FN1: variants seen among roughly 807,000 people sequenced by gnomAD.
FN1 encodes fibronectin 1.
FN1 carries 106 observed loss-of-function variants against 297.3 expected under a neutral mutation model. The ratio of observed to expected loss-of-function variants is 0.36; its 90% CI spans 0.30 to 0.42. The LOEUF (loss-of-function observed/expected upper bound fraction) is 0.42, where lower values mean the gene tolerates loss of function less well. FN1 is among the 10% of genes least tolerant of loss of function. FN1 has a pLI of 1.00. For missense variants in FN1, 2,690 were observed against 3,124.9 expected (o/e 0.86, Z 3.32); for synonymous variants, 1,149 against 1,152.6 (o/e 1.00, Z 0.06).
intron 35 of FN1, 120 bp downstream of exon 35, chr2:215,378,055 G>C: frequency 1.4e-6 from 1 of 738,378 alleles, no homozygotes; most frequent in South Asian, 1.4e-5. Context: ...TGACGCTCCC[G>C]CCTCAGCTTC....
chr2:215,367,798 CAT>C, intron 42 of FN1, 63 bp downstream of exon 42: 2 of 1,518,922 alleles, frequency 1.3e-6, no homozygotes, highest in South Asian at 2.3e-5. Context: ...TTCCTTGGCA[CAT>C]GAGTGCATGC....
Position 215,408,430 on chromosome 2 carries a change from T to A in FN1, c.2300-4A>T, listed in dbSNP as rs2062091420. The A allele has an allele frequency of 1.2e-6, 2 of 1,613,932 alleles. No individual in the cohort carries two copies. Among genetic ancestry groups the A allele is most frequent in the Non-Finnish European group, 1.7e-6 (2 of 1,179,980 alleles). On this transcript the variant is annotated splice_polypyrimidine_tract_variant and splice_region_variant and intron_variant, in intron 15 of 45. Coordinates refer to ENST00000354785, the MANE Select transcript of FN1 (RefSeq NM_212482.4). ...GAAGTGGCTGTGCTTGGAAGATCTT[T>A]GAAATGAAAAGAAAAGGTAACTAAT...
chr2:215,414,285 G>A (rs1281135390), intron 13 of FN1, among the ~76,000 whole-genome samples: 1 of 152,132 alleles, frequency 6.6e-6, no homozygotes, highest in African/African-American at 2.4e-5. Flanking sequence ...CAGGGCTATT[G>A]TTTAAATAAA....
intron 41 of FN1, among the ~76,000 whole-genome samples, chr2:215,370,038 C>G (rs1376961154): frequency 6.6e-6 from 1 of 152,150 alleles, no homozygotes; most frequent in Non-Finnish European, 1.5e-5. Flanking sequence ...TATTTGAAAT[C>G]CCTTCCAGAT....
intron 5 of FN1, among the ~76,000 whole-genome samples, chr2:215,429,808 A>C (rs911589779): frequency 6.6e-6 from 1 of 152,248 alleles, no homozygotes; most frequent in Admixed American, 6.5e-5. Context: ...ATTTTCTGGA[A>C]TAAATGACTT....
intron 21 of FN1, 96 bp from the exon 22 acceptor site, chr2:215,397,944 T>C: frequency 9.2e-7 from 1 of 1,085,392 alleles, no homozygotes; most frequent in South Asian, 1.3e-5. Flanking sequence ...TAGTGTAAAC[T>C]CTTCAGAAAC....
intron 33 of FN1, 91 bp downstream of exon 33, chr2:215,380,720 G>A (rs901879068): frequency 1.1e-5 from 15 of 1,408,930 alleles, no homozygotes; most frequent in South Asian, 6.9e-5. Context: ...ACCCTTACAC[G>A]GGAATCAATA....
In FN1 at chr2:215,370,307, G is replaced by A. The variant is rs770084828; in HGVS notation, c.6840C>T (p.Thr2280=). The A allele has an allele frequency of 9.7e-5, 156 of 1,613,830 alleles. No homozygotes were observed. The highest frequency in any genetic ancestry group is 1.3e-4 in the Non-Finnish European group (149 of 1,180,000). Residue 2280 remains threonine, a synonymous_variant, in exon 41 of 46, where the codon ACC becomes ACT. Coordinates refer to ENST00000354785, the MANE Select transcript of FN1 (RefSeq NM_212482.4). ...QRHKVREEVV[T]VGNSVNEGLN... ...GTGTTTACATACCAGAGTTGCCCAC[G>A]GTAACAACCTCTTCCCGAACCTTAT...
In FN1 at chr2:215,367,637, T is replaced by C. The variant is rs180706952; in HGVS notation, c.7018+226A>G. The C allele has an allele frequency of 1.2e-4, 69 of 566,664 alleles. No homozygotes were observed. In the East Asian group the frequency reaches 1.7e-3, roughly 14 times the overall value. 35.1% of individuals were successfully genotyped at this position (566,664 alleles called of 1,614,324 possible). On this transcript the variant is annotated intron_variant, in intron 42 of 45. Coordinates refer to ENST00000354785, the MANE Select transcript of FN1 (RefSeq NM_212482.4). The stretch of plus-strand genomic sequence containing the variant: ...GCACCATAATCTTATGTGTAATTAA[T>C]AGTTGTATTGGCATACAACCCTTGA...
chr2:215,394,095 A>AT (rs1559445734), intron 24 of FN1, among the ~76,000 whole-genome samples: 2 of 152,248 alleles, frequency 1.3e-5, no homozygotes. Flanking sequence ...CAGTGCTCAC[A>AT]TACAGGGACA....
chr2:215,427,714 G>C (rs183250141), intron 6 of FN1, among the ~76,000 whole-genome samples: 199 of 152,202 alleles, frequency 1.3e-3, no homozygotes, highest in African/African-American at 4.3e-3. Context: ...GTCGGGACAG[G>C]GAAGTATATT....
At chr2:215,376,058 G>A (rs1314188108) in intron 36 of FN1, among the ~76,000 whole-genome samples, 1 of 152,026 alleles carries the variant, frequency 6.6e-6, no homozygotes, top group Non-Finnish European at 1.5e-5. Flanking sequence ...GTTGAGCCTT[G>A]GAATCACAAT....
intron 23 of FN1, among the ~76,000 whole-genome samples, chr2:215,396,732 C>G (rs1316308319): frequency 6.6e-6 from 1 of 152,128 alleles, no homozygotes; most frequent in African/African-American, 2.4e-5. Flanking sequence ...CAACCCATGA[C>G]AAAACATTCA....
At position 215,422,085 on chromosome 2, in the gene FN1, G is replaced by A; in HGVS notation, c.1546+6C>T. On this transcript the variant is annotated splice_donor_region_variant and intron_variant, in intron 10 of 45. Coordinates refer to ENST00000354785, the MANE Select transcript of FN1 (RefSeq NM_212482.4). ...CTCAAATATTTTTGTTAATCAGCCA[G>A]CATACCTCGAAGCTGCGAGTAGGCA... The A allele has an allele frequency of 1.2e-6, 2 of 1,613,942 alleles. No homozygotes were observed. Among genetic ancestry groups the A allele is most frequent in the South Asian group, 1.1e-5 (1 of 91,086 alleles).
rs192981567 is a variant in FN1, at chr2:215,378,275, G to C, written c.5623-13C>G. The C allele has an allele frequency of 1.8e-4, 269 of 1,532,780 alleles. 2 individuals carry two copies. The Middle Eastern group carries it at 2.5e-3, about 14-fold the overall frequency. 94.9% of individuals were successfully genotyped at this position (1,532,780 alleles called of 1,614,324 possible). ...ATTTGGTGGCCACCTAGAGAAATAA[G>C]GGCATGGTGAGCTTTAGCAACGTCC... On this transcript the variant is annotated splice_polypyrimidine_tract_variant and intron_variant, in intron 34 of 45. Transcript: ENST00000354785.
At chr2:215,433,206 C>T in intron 3 of FN1, 118 bp downstream of exon 3, 1 of 1,303,868 alleles carries the variant, frequency 7.7e-7, no homozygotes, top group Non-Finnish European at 1.1e-6. Flanking sequence ...ACCTGGTCAC[C>T]AGGGGCAAAC....
chr2:215,397,422 G>A (rs1306735906), intron 22 of FN1, among the ~76,000 whole-genome samples, 199 bp from the exon 23 acceptor site: 1 of 140,570 alleles, frequency 7.1e-6, no homozygotes, highest in Non-Finnish European at 1.5e-5. Context: ...TAATGATTTT[G>A]CAATACTATT....
chr2:215,368,431 C>G (rs574276984), intron 41 of FN1, among the ~76,000 whole-genome samples: 2 of 152,264 alleles, frequency 1.3e-5, no homozygotes, highest in African/African-American at 2.4e-5. Context: ...CCTTGCTTCC[C>G]TCATCTGCAA....
Position 215,375,235 on chromosome 2 carries a change from C to T in FN1, c.6136G>A (p.Val2046Ile), listed in dbSNP as rs1363196309. Residue 2046 changes from valine (V) to isoleucine (I), a missense_variant, in exon 38 of 46, where the codon GTC (valine) becomes ATC (isoleucine). Val to Ile is a conservative substitution (Grantham distance 29). This residue lies in a region of FN1 where 1,743 missense variants were observed against 1,945.2 expected (regional missense o/e 0.90). Coordinates refer to ENST00000354785, the MANE Select transcript of FN1 (RefSeq NM_212482.4). Reference sequence around the variant, plus strand: ...ATACCAGTAATAGTAGCCTCTGTGACACCAGGGCGGGGCCGAGGGACCACT... The same window carrying T: ...ATACCAGTAATAGTAGCCTCTGTGATACCAGGGCGGGGCCGAGGGACCACT... ...REVVPRPRPG[V>I]TEATITGLEP... 3.0e-5 allele frequency: 48 copies of T among 1,614,138 alleles called. No individual in the cohort carries two copies. The highest frequency in any genetic ancestry group is 4.1e-5 in the Non-Finnish European group (48 of 1,180,018).
Sources: allele counts gnomAD v4.1 joint callset (sites outside exome capture counted in the v4.1 genomes callset), GRCh38; gene constraint gnomAD v4.1.1; regional missense constraint gnomAD v4.1.1; transcripts MANE v1.5; gene names NCBI Gene and HGNC (gene_info 2026-07-23, HGNC 2026-07-21).